Variants in IGF1R observed in about 807,000 individuals in gnomAD.
IGF1R encodes insulin-like growth factor 1 receptor.
In IGF1R, 44 loss-of-function variants were observed where a neutral mutation model predicts 144.6. The ratio of observed to expected loss-of-function variants is 0.30; its 90% CI spans 0.24 to 0.39. The LOEUF (loss-of-function observed/expected upper bound fraction) is 0.39, where lower values mean the gene tolerates loss of function less well. Ranked by LOEUF, IGF1R falls within the 10% of genes least tolerant of loss-of-function variation. The pLI is 1.00. For missense variants in IGF1R, 1,355 were observed against 1,833.7 expected, an observed-to-expected ratio of 0.74 and a Z score of 4.77; for synonymous variants, 795 against 722.8, an observed-to-expected ratio of 1.10 and a Z score of -1.60.
At chr15:98,792,620 A>G (rs987260226) in intron 2 of IGF1R, among the ~76,000 whole-genome samples, 1 of 152,194 alleles carries the variant, frequency 6.6e-6, no homozygotes. Context: ...ATCTTTTCAT[A>G]TATGTATTAT....
rs773600433 is a variant in IGF1R at position 98,661,838 on chromosome 15, T to C, written c.94+12163T>C. ...TGGCAAATAGAAAGCATCCAATAAA[T>C]GGATGCTTTTCTCTTTTTTTCTCCT... On this transcript the variant is annotated intron_variant, in intron 1 of 20. Coordinates refer to ENST00000650285, the MANE Select transcript of IGF1R (RefSeq NM_000875.5). Among the ~76,000 whole-genome samples the C allele has an allele frequency of 7.2e-5, 11 of 152,186 alleles. No individual in the cohort carries two copies. The South Asian group carries it at 2.3e-3, about 32-fold the overall frequency.
Position 98,935,837 on chromosome 15 carries a change from C to T in IGF1R, c.3297+411C>T, listed in dbSNP as rs2016123405. On this transcript the variant is annotated intron_variant, in intron 17 of 20. Coordinates refer to ENST00000650285, the MANE Select transcript of IGF1R (RefSeq NM_000875.5). The surrounding 1 kb of genome is among the most constrained non-coding windows in gnomAD (Gnocchi z 4.2). ...TCACATCCTCGTATGTGTTCTCTCT[C>T]GTTATGTTGTGTTGTGCTGTTGTTG... Among the ~76,000 whole-genome samples, 1 of 152,182 alleles carries T rather than the reference C, an allele frequency of 6.6e-6. No homozygotes were observed. Among genetic ancestry groups the T allele is most frequent in the Non-Finnish European group, 1.5e-5 (1 of 68,042 alleles).
At position 98,957,604 on chromosome 15, in the gene IGF1R, C is replaced by A; in HGVS notation, c.*162C>A. 1 of 823,146 alleles carries A rather than the reference C, an allele frequency of 1.2e-6. No individual in the cohort carries two copies. The highest frequency in any genetic ancestry group is 1.9e-6 in the Non-Finnish European group (1 of 513,720). 51.0% of individuals were successfully genotyped at this position (823,146 alleles called of 1,614,324 possible). ...GGGAGACAGCTTCTCTGCAGTAAAACACATTTGGGATGTTCCTTTTTTCAA... is the reference window on the plus strand; with the variant it reads ...GGGAGACAGCTTCTCTGCAGTAAAAAACATTTGGGATGTTCCTTTTTTCAA... On this transcript the variant is annotated 3_prime_UTR_variant, in exon 21 of 21. Transcript: ENST00000650285.
At chr15:98,957,026 C>T in intron 20 of IGF1R, 35 bp from the exon 21 acceptor site, 3 of 1,613,510 alleles carry the variant, frequency 1.9e-6, no homozygotes, top group South Asian at 1.1e-5. Flanking sequence ...TGCGCCCTCC[C>T]GGTTTGGACC....
chr15:98,933,890 A>G (rs1596467414), intron 15 of IGF1R, among the ~76,000 whole-genome samples: 1 of 152,312 alleles, frequency 6.6e-6, no homozygotes, highest in Middle Eastern at 3.4e-3. Context: ...TCCAGCCATC[A>G]AAGCCAAGGC....
intron 1 of IGF1R, among the ~76,000 whole-genome samples, chr15:98,674,372 C>T (rs1270253795): frequency 6.6e-6 from 1 of 152,120 alleles, no homozygotes; most frequent in Non-Finnish European, 1.5e-5. Context: ...AATGGAGGTC[C>T]TTAGAGTTCC....
intron 5 of IGF1R, among the ~76,000 whole-genome samples, chr15:98,903,782 G>A (rs576225895): frequency 6.6e-6 from 1 of 152,316 alleles, no homozygotes; most frequent in East Asian, 1.9e-4. Flanking sequence ...TACAACATGG[G>A]TGAACCTCTA....
chr15:98,924,144 A>G (rs2015608971), intron 12 of IGF1R, 132 bp downstream of exon 12: 1 of 952,328 alleles, frequency 1.1e-6, no homozygotes, highest in East Asian at 2.4e-5. Context: ...GTTGGTGAGG[A>G]TTTGGGTCTT....
chr15:98,762,238 C>CTT (rs5814898), intron 2 of IGF1R, among the ~76,000 whole-genome samples: 85 of 95,758 alleles, frequency 8.9e-4, no homozygotes, highest in African/African-American at 2.8e-3. Context: ...CTTTTCTTTT[C>CTT]TTTTTTTTTT....
rs536306521 is a variant in IGF1R at position 98,811,193 on chromosome 15, C to T, written c.641-80132C>T. Among the ~76,000 whole-genome samples, 19 of 151,916 alleles carry T rather than the reference C, an allele frequency of 1.3e-4. No homozygotes were observed. The East Asian group carries it at 2.5e-3, about 20-fold the overall frequency. ...GCACATGCCTATAATACCAGCTACT[C>T]GAGAGGCTGAGGCAGGAGAATCACT... On this transcript the variant is annotated intron_variant, in intron 2 of 20. Coordinates refer to ENST00000650285, the MANE Select transcript of IGF1R (RefSeq NM_000875.5).
At chr15:98,881,569 C>A (rs147525735) in intron 2 of IGF1R, among the ~76,000 whole-genome samples, 1 of 152,170 alleles carries the variant, frequency 6.6e-6, no homozygotes, top group Non-Finnish European at 1.5e-5. Context: ...GTGATCCACC[C>A]GTCTCGGCCT....
At chr15:98,885,059 C>T (rs1037197614) in intron 2 of IGF1R, among the ~76,000 whole-genome samples, 5 of 152,156 alleles carry the variant, frequency 3.3e-5, no homozygotes, top group African/African-American at 1.2e-4. Context: ...TATGCACCTG[C>T]TAGCTCCTAC....
chr15:98,809,409 A>G (rs1199172766), intron 2 of IGF1R, among the ~76,000 whole-genome samples: 1 of 152,164 alleles, frequency 6.6e-6, no homozygotes, highest in Non-Finnish European at 1.5e-5. Flanking sequence ...CCATGGAGTC[A>G]GTGTGAGTTC....
chr15:98,769,927 G>A (rs934206269), intron 2 of IGF1R, among the ~76,000 whole-genome samples: 3 of 152,066 alleles, frequency 2.0e-5, no homozygotes, highest in East Asian at 1.9e-4. Flanking sequence ...ATCCCCTTCC[G>A]TCTGCTGGAT....
chr15:98,939,839 C>T (rs552564209), intron 18 of IGF1R, among the ~76,000 whole-genome samples: 11 of 152,326 alleles, frequency 7.2e-5, no homozygotes, highest in African/African-American at 2.6e-4. Context: ...GGAGCAGTGG[C>T]AGGAGCTGGC....
In IGF1R at chr15:98,878,693, A is replaced by AAACAAC. The variant is rs1325197629; in HGVS notation, c.641-12626_641-12621dup. Among the ~76,000 whole-genome samples the AAACAAC allele has an allele frequency of 4.8e-4, 61 of 126,156 alleles. 1 individual carries two copies. Among genetic ancestry groups the AAACAAC allele is most frequent in the African/African-American group, 2.1e-3 (59 of 27,830 alleles). The allele number at this position is 126,156 out of a possible 152,430, so 82.8% of individuals were successfully genotyped here. ...AAAAAAAAAAAAAAAAAAAAAAAAAAAACAACAACAAAAAAAAGGCCAGGC... is the reference window on the plus strand; with the variant it reads ...AAAAAAAAAAAAAAAAAAAAAAAAAAAACAACAACAACAACAAAAAAAAGGCCAGGC... On this transcript the variant is annotated intron_variant, in intron 2 of 20. Coordinates refer to ENST00000650285, the MANE Select transcript of IGF1R (RefSeq NM_000875.5).
intron 1 of IGF1R, among the ~76,000 whole-genome samples, chr15:98,673,234 G>T (rs1355634279): frequency 6.6e-6 from 1 of 152,138 alleles, no homozygotes; most frequent in African/African-American, 2.4e-5. Flanking sequence ...TGATGTACTG[G>T]CATGTCAGTG....
intron 2 of IGF1R, among the ~76,000 whole-genome samples, chr15:98,862,979 C>A (rs1333900860): frequency 1.3e-5 from 2 of 152,170 alleles, no homozygotes; most frequent in Non-Finnish European, 2.9e-5. Flanking sequence ...AGACTGAATT[C>A]GGATTTCACT....
chr15:98,958,840 C>T lies in IGF1R; in HGVS notation c.*1398C>T, dbSNP rs1256025339. The T allele has an allele frequency of 4.3e-6, 1 of 233,462 alleles. No homozygotes were observed. The highest frequency in any genetic ancestry group is 8.5e-6 in the Non-Finnish European group (1 of 117,986). 14.5% of individuals were successfully genotyped at this position (233,462 alleles called of 1,614,324 possible). On this transcript the variant is annotated 3_prime_UTR_variant, in exon 21 of 21. Coordinates refer to ENST00000650285, the MANE Select transcript of IGF1R (RefSeq NM_000875.5). ...TACTAGAGTGCGTGACTTTCTTCCTCTTTTCCCGGTAATGGATACTTCTAT... is the reference window on the plus strand; with the variant it reads ...TACTAGAGTGCGTGACTTTCTTCCTTTTTTCCCGGTAATGGATACTTCTAT...
Sources: allele counts gnomAD v4.1 joint callset (sites outside exome capture counted in the v4.1 genomes callset), GRCh38; gene constraint gnomAD v4.1.1; non-coding constraint Gnocchi (gnomAD v3.1); transcripts MANE v1.5; gene names NCBI Gene and HGNC (gene_info 2026-07-23, HGNC 2026-07-21).